Variants in TMEM117 observed in about 807,000 individuals in gnomAD.
The protein encoded by TMEM117 is transmembrane protein 117.
Under a neutral mutation model 52.4 loss-of-function variants are expected in TMEM117, and 27 were observed. That is an observed-to-expected ratio of 0.51 (90% confidence interval 0.38 to 0.71). The LOEUF (loss-of-function observed/expected upper bound fraction) is 0.71. TMEM117 is among the 30% of genes least tolerant of loss of function. TMEM117 has a pLI of 0.00. For synonymous variants in TMEM117, 215 were observed against 206.3 expected (o/e 1.04, Z -0.36); for missense variants, 556 against 630.5 (o/e 0.88, Z 1.26).
At chr12:44,087,888 G>A (rs757267685) in intron 3 of TMEM117, among the ~76,000 whole-genome samples, 16 of 152,108 alleles carry the variant, frequency 1.1e-4, no homozygotes, top group Non-Finnish European at 2.4e-4. Flanking sequence ...TGTTTATAAA[G>A]TACAAAAGGA....
At chr12:44,067,928 G>C (rs1321825885) in intron 3 of TMEM117, among the ~76,000 whole-genome samples, 1 of 152,130 alleles carries the variant, frequency 6.6e-6, no homozygotes, top group Non-Finnish European at 1.5e-5. Context: ...AAAATCTGTT[G>C]TTTACTGTAG....
chr12:44,206,015 A>G (rs1949560921), intron 4 of TMEM117, among the ~76,000 whole-genome samples: 2 of 152,242 alleles, frequency 1.3e-5, no homozygotes, highest in Admixed American at 1.3e-4. Flanking sequence ...CAGGGGGCTG[A>G]CAGCCTTCAG....
At chr12:44,298,411 T>G (rs1950795346) in intron 5 of TMEM117, among the ~76,000 whole-genome samples, 1 of 146,636 alleles carries the variant, frequency 6.8e-6, no homozygotes, top group African/African-American at 2.8e-5. Context: ...TTATTTCAAG[T>G]AATTGTTTTT....
Position 44,388,415 on chromosome 12 carries a change from A to T in TMEM117, c.1288A>T (p.Thr430Ser), listed in dbSNP as rs781695039. ...NEPRMENQDK[T>S]YTRMKRKSPS... The stretch of plus-strand genomic sequence containing the variant: ...GCCACGCATGGAGAATCAAGACAAA[A>T]CTTACACTCGCATGAAAAGAAAATC... The change falls in exon 8 of 8, where the codon ACT becomes TCT. Residue 430 changes from threonine (T) to serine (S), a missense_variant. Transcript: ENST00000266534. The T allele has an allele frequency of 4.5e-5, 72 of 1,613,338 alleles. No individual in the cohort carries two copies. The highest frequency in any genetic ancestry group is 5.8e-5 in the Non-Finnish European group (69 of 1,179,684).
chr12:43,981,168 C>T (rs921944649), intron 3 of TMEM117, among the ~76,000 whole-genome samples: 1 of 152,142 alleles, frequency 6.6e-6, no homozygotes, highest in Non-Finnish European at 1.5e-5. Flanking sequence ...ATCTCCTACA[C>T]CATGTCTAGC....
chr12:43,906,584 C>T lies in TMEM117; in HGVS notation c.278-37626C>T, dbSNP rs150643571. Among the ~76,000 whole-genome samples, 1,083 of 152,294 alleles carry T rather than the reference C, an allele frequency of 7.1e-3. 15 individuals are homozygous for T. The highest frequency in any genetic ancestry group is 0.025 in the African/African-American group (1,032 of 41,560). ...ATTTCTGCATTTCCATCTGAGGTAC[C>T]GGGTTCATCTCACTAGGGAGTGCCA... is the stretch of plus-strand genomic sequence containing the variant. On this transcript the variant is annotated intron_variant, in intron 2 of 7. Coordinates refer to ENST00000266534, the MANE Select transcript of TMEM117 (RefSeq NM_032256.3).
intron 3 of TMEM117, among the ~76,000 whole-genome samples, chr12:44,119,238 T>G (rs1191329958): frequency 6.6e-6 from 1 of 152,244 alleles, no homozygotes; most frequent in Non-Finnish European, 1.5e-5. Flanking sequence ...GTGTGCTTTT[T>G]AAATAAATGA....
intron 3 of TMEM117, among the ~76,000 whole-genome samples, chr12:44,040,431 G>A (rs1275882433): frequency 6.6e-6 from 1 of 151,948 alleles, no homozygotes; most frequent in African/African-American, 2.4e-5. Flanking sequence ...CCTTATATAA[G>A]CTTTCTAACA....
At chr12:43,897,161 A>T (rs746070189) in intron 2 of TMEM117, among the ~76,000 whole-genome samples, 15 of 152,330 alleles carry the variant, frequency 9.8e-5, no homozygotes, top group Middle Eastern at 3.4e-3. Flanking sequence ...CAGTCTTCTC[A>T]GTCTACATTT....
intron 4 of TMEM117, among the ~76,000 whole-genome samples, chr12:44,169,364 T>C (rs192990202): frequency 9.5e-4 from 145 of 152,338 alleles, no homozygotes; most frequent in African/African-American, 3.3e-3. Context: ...TTTTCTTTCT[T>C]TCTTTTTAAA....
chr12:44,052,777 T>G (rs529629122), intron 3 of TMEM117, among the ~76,000 whole-genome samples: 1 of 152,284 alleles, frequency 6.6e-6, no homozygotes, highest in South Asian at 2.1e-4. Context: ...CAGGGACCAC[T>G]CTTGGCAATG....
intron 3 of TMEM117, among the ~76,000 whole-genome samples, chr12:44,127,886 CTATT>C (rs1363947021): frequency 2.0e-5 from 3 of 152,160 alleles, no homozygotes; most frequent in Non-Finnish European, 4.4e-5. Context: ...AAATAAATCT[CTATT>C]TATGTGTATG....
chr12:44,167,550 C>G (rs929260299), intron 4 of TMEM117, among the ~76,000 whole-genome samples: 1 of 151,998 alleles, frequency 6.6e-6, no homozygotes, highest in Non-Finnish European at 1.5e-5. Flanking sequence ...CGCCTGTAGT[C>G]CAGCTACTCG....
intron 6 of TMEM117, among the ~76,000 whole-genome samples, chr12:44,331,199 CTT>C (rs1477934507): frequency 6.6e-6 from 1 of 150,844 alleles, no homozygotes; most frequent in Non-Finnish European, 1.5e-5. Context: ...AAAAAAAAAT[CTT>C]TTTTTCTCTT....
At chr12:44,102,882 T>G (rs1592518503) in intron 3 of TMEM117, among the ~76,000 whole-genome samples, 1 of 152,104 alleles carries the variant, frequency 6.6e-6, no homozygotes, top group Non-Finnish European at 1.5e-5. Flanking sequence ...AGTGAATGAC[T>G]TCTCACGAGA....
At chr12:43,834,567 T>C (rs1943002527), upstream of TMEM117, among the ~76,000 whole-genome samples, 1 of 152,224 alleles carries the variant, frequency 6.6e-6, no homozygotes, top group Non-Finnish European at 1.5e-5. Context: ...AAGAGAACCT[T>C]ACTAGTTAAG....
intron 2 of TMEM117, among the ~76,000 whole-genome samples, chr12:43,877,432 G>A (rs924478769): frequency 6.6e-6 from 1 of 151,868 alleles, no homozygotes; most frequent in Admixed American, 6.6e-5. Flanking sequence ...TCAGGAGTTC[G>A]AGACCAGCCT....
intron 4 of TMEM117, among the ~76,000 whole-genome samples, chr12:44,147,490 G>A (rs916507306): frequency 6.6e-6 from 1 of 152,094 alleles, no homozygotes; most frequent in Admixed American, 6.6e-5. Context: ...ATAATCCCCT[G>A]TTCTAGCCCC....
intron 2 of TMEM117, among the ~76,000 whole-genome samples, chr12:43,906,991 A>G (rs1444137122): frequency 2.0e-5 from 3 of 152,244 alleles, no homozygotes; most frequent in Non-Finnish European, 4.4e-5. Context: ...GGTGGAGGCC[A>G]CCACAGCTCA....
Sources: gnomAD v4.1 joint callset for allele counts (sites outside exome capture counted in the v4.1 genomes callset) on GRCh38, gnomAD v4.1.1 for gene constraint, MANE v1.5 for transcripts, NCBI Gene and HGNC (gene_info 2026-07-23, HGNC 2026-07-21) for gene names.